Variants in KREMEN1 observed in about 807,000 individuals in gnomAD.
The protein encoded by KREMEN1 is kremen protein 1.
A neutral mutation model predicts 46.5 loss-of-function variants in KREMEN1; 30 were observed. The observed-to-expected ratio is 0.65, with a 90% CI of 0.48 to 0.88. KREMEN1 has a LOEUF of 0.88. Among genes scored for constraint, KREMEN1 ranks in the 40% least tolerant of loss-of-function variants. KREMEN1 has a pLI of 0.00. For missense variants in KREMEN1, 533 were observed against 596.9 expected, an observed-to-expected ratio of 0.89 and a Z score of 1.11; for synonymous variants, 214 against 230.6, an observed-to-expected ratio of 0.93 and a Z score of 0.65.
rs568974023 is a variant in KREMEN1, at chr22:29,165,018, C to T, written c.1417-2026C>T. 5.3e-5 allele frequency among the ~76,000 whole-genome samples: 8 copies of T among 151,974 alleles called. No homozygotes were observed. The East Asian group carries it at 1.6e-3, about 29-fold the overall frequency. ...TGAAACCCCGTCCCTACTAAAAATA[C>T]AAAAATTAGCCGGGCATGGTGGTGC... On this transcript the variant is annotated intron_variant, in intron 9 of 9. Coordinates refer to the KREMEN1 transcript ENST00000327813.
chr22:29,121,076 T>C (rs2038348420), intron 3 of KREMEN1, among the ~76,000 whole-genome samples: 1 of 150,548 alleles, frequency 6.6e-6, no homozygotes, highest in African/African-American at 2.4e-5. Flanking sequence ...TCTTCAATAC[T>C]AAATCCTATC....
Position 29,140,370 on chromosome 22 carries a change from A to C in KREMEN1, c.1208+4A>C. ...TACTTCTGCACGTCACATTCAAGTGAGTACAAGAGGGAGCTGCCCAATTCC... is the reference window on the plus strand; with the variant it reads ...TACTTCTGCACGTCACATTCAAGTGCGTACAAGAGGGAGCTGCCCAATTCC... On this transcript the variant is annotated splice_donor_region_variant and intron_variant, in intron 8 of 8. Transcript: ENST00000400335. 1 of 1,607,384 alleles carries C rather than the reference A, an allele frequency of 6.2e-7. No individual in the cohort carries two copies. The highest frequency in any genetic ancestry group is 1.1e-5 in the South Asian group (1 of 90,928).
At chr22:29,163,460 ATCCGCCT>A (rs1386792453) in intron 9 of KREMEN1, among the ~76,000 whole-genome samples, 8 of 151,688 alleles carry the variant, frequency 5.3e-5, no homozygotes, top group African/African-American at 1.9e-4. Flanking sequence ...TCACTGCAAT[ATCCGCCT>A]CCCGGGTTCA....
intron 3 of KREMEN1, among the ~76,000 whole-genome samples, chr22:29,103,446 C>T (rs1168101158): frequency 2.0e-5 from 3 of 152,202 alleles, no homozygotes; most frequent in Non-Finnish European, 4.4e-5. Flanking sequence ...CTGAACTGCT[C>T]TTGACCTGCA....
downstream of KREMEN1, among the ~76,000 whole-genome samples, chr22:29,151,528 G>T (rs1373599472): frequency 1.3e-5 from 2 of 152,168 alleles, no homozygotes; most frequent in Non-Finnish European, 2.9e-5. Context: ...GCAACTCCAT[G>T]AGGAGTCGGG....
In KREMEN1 at chr22:29,091,165, G is replaced by A. The variant is rs533261900; in HGVS notation, c.98-3093G>A. Among the ~76,000 whole-genome samples, 8 of 152,268 alleles carry A rather than the reference G, an allele frequency of 5.3e-5. No individual in the cohort carries two copies. The East Asian group carries it at 5.8e-4, about 11-fold the overall frequency. On this transcript the variant is annotated intron_variant, in intron 1 of 8. Transcript: ENST00000400335. ...ATTTTGTATTTTTAGTAGAGACGGCGTTTCTCCATGTTGGCCAGGCTGGTC... is the reference window on the plus strand; with the variant it reads ...ATTTTGTATTTTTAGTAGAGACGGCATTTCTCCATGTTGGCCAGGCTGGTC...
intron 9 of KREMEN1, among the ~76,000 whole-genome samples, chr22:29,164,882 G>A (rs896139327): frequency 3.3e-5 from 5 of 152,046 alleles, no homozygotes; most frequent in African/African-American, 1.2e-4. Context: ...GGATCAAGAG[G>A]CCAGGAGTTT....
At position 29,153,783 on chromosome 22, in the gene KREMEN1, C is replaced by A. The variant is rs993224460; in HGVS notation, c.1416+11683C>A. Among the ~76,000 whole-genome samples, 7 of 152,112 alleles carry A rather than the reference C, an allele frequency of 4.6e-5. No individual in the cohort carries two copies. In the South Asian group the frequency reaches 1.2e-3, roughly 27 times the overall value. On this transcript the variant is annotated intron_variant, in intron 9 of 9. Transcript: ENST00000327813. The stretch of plus-strand genomic sequence containing the variant: ...ATCACCTGAGGTCAGGAATTTGAGA[C>A]CAGCCTGGCCAACATGTTGAAACCC...
intron 1 of KREMEN1, among the ~76,000 whole-genome samples, chr22:29,091,062 C>T (rs976692071): frequency 2.6e-5 from 4 of 152,244 alleles, no homozygotes; most frequent in Non-Finnish European, 5.9e-5. Context: ...CAACCTCCGC[C>T]TCCTGGGTTC....
At chr22:29,081,255 A>G (rs1019472002) in intron 1 of KREMEN1, among the ~76,000 whole-genome samples, 9 of 151,898 alleles carry the variant, frequency 5.9e-5, no homozygotes, top group Non-Finnish European at 7.4e-5. Context: ...CTCTTTAAGC[A>G]TTTCTGTGGA....
chr22:29,163,055 T>A (rs2039024618), intron 9 of KREMEN1, among the ~76,000 whole-genome samples: 1 of 152,070 alleles, frequency 6.6e-6, no homozygotes. Context: ...AAATCTCATC[T>A]CGAATCGTAA....
intron 9 of KREMEN1, among the ~76,000 whole-genome samples, chr22:29,159,487 C>T (rs866566916): frequency 2.0e-5 from 3 of 152,020 alleles, no homozygotes; most frequent in East Asian, 2.0e-4. Context: ...GGTGTGGTGG[C>T]GCACGCCTGT....
rs2145860955 is a variant in KREMEN1 at position 29,145,476 on chromosome 22, CCTT to C, written c.*3368_*3370del. On this transcript the variant is annotated 3_prime_UTR_variant, in exon 9 of 9. Transcript: ENST00000400335. ...TGTTCCCCGCTGGCGCCAGGCCCTG[CCTT>C]CTTGGTACCTGTGCCAACAGGAGAG... The C allele has an allele frequency of 1.0e-6, 1 of 985,600 alleles. No individual in the cohort carries two copies. Among genetic ancestry groups the C allele is most frequent in the Admixed American group, 6.1e-5 (1 of 16,296 alleles). The allele number at this position is 985,600 out of a possible 1,614,324, so 61.1% of individuals were successfully genotyped here. A position where few individuals can be genotyped will look rare whatever the true frequency, so the allele number is the denominator to read the frequency against.
At chr22:29,092,656 C>T (rs17443175) in intron 1 of KREMEN1, among the ~76,000 whole-genome samples, 3,998 of 152,270 alleles carry the variant, frequency 0.026, 56 homozygotes, top group Admixed American at 0.032. Flanking sequence ...TATCATAACA[C>T]ATGAGCATTG....
Position 29,140,221 on chromosome 22 carries a change from G to A in KREMEN1, c.1124-61G>A, listed in dbSNP as rs566100634. The stretch of plus-strand genomic sequence containing the variant: ...ACTTACTCACTTGGGTATTCCAGCC[G>A]ACCTCCTTTCGAAAACCAACCATAA... On this transcript the variant is annotated intron_variant, in intron 7 of 8. Transcript: ENST00000400335. 36 of 1,342,274 alleles carry A rather than the reference G, an allele frequency of 2.7e-5. No homozygotes were observed. In the East Asian group the frequency reaches 3.2e-4, roughly 12 times the overall value. 83.1% of individuals were successfully genotyped at this position (1,342,274 alleles called of 1,614,324 possible). A position where few individuals can be genotyped will look rare whatever the true frequency, so the allele number is the denominator to read the frequency against.
rs1016160852 is a variant in KREMEN1 at position 29,094,676 on chromosome 22, T to G, written c.260+256T>G. The stretch of plus-strand genomic sequence containing the variant: ...TCTCGCTCTGTCGCCCAGGCTGGAG[T>G]GCAGTGGCGCGATCTCGGCTCACTG... On this transcript the variant is annotated intron_variant, in intron 2 of 8. Transcript: ENST00000400335. 3.4e-5 allele frequency among the ~76,000 whole-genome samples: 5 copies of G among 145,090 alleles called. No homozygotes were observed. In the Admixed American group the frequency reaches 3.6e-4, roughly 11 times the overall value.
chr22:29,159,088 G>T (rs1259105943), intron 9 of KREMEN1, among the ~76,000 whole-genome samples: 1 of 150,962 alleles, frequency 6.6e-6, no homozygotes, highest in Non-Finnish European at 1.5e-5. Flanking sequence ...CTAAAGTGCT[G>T]GGATTACAGG....
downstream of KREMEN1, among the ~76,000 whole-genome samples, chr22:29,151,624 C>T (rs966532491): frequency 4.7e-4 from 72 of 152,276 alleles, no homozygotes; most frequent in Admixed American, 2.1e-3. Context: ...TAAAACTTCA[C>T]GGACACCAAA....
rs557247866 is a variant in KREMEN1, at chr22:29,139,012, C to G, written c.1123+230C>G. 5.3e-5 allele frequency among the ~76,000 whole-genome samples: 8 copies of G among 152,332 alleles called. No individual in the cohort carries two copies. The South Asian group carries it at 1.5e-3, about 28-fold the overall frequency. On this transcript the variant is annotated intron_variant, in intron 7 of 8. Transcript: ENST00000400335. ...CACCTCCAAAAATTAGGCAAGCGTG[C>G]CTTTTGTACATTGTGACTAATCAGC...
Sources: gnomAD v4.1 joint callset for allele counts (sites outside exome capture counted in the v4.1 genomes callset) on GRCh38, gnomAD v4.1.1 for gene constraint, MANE v1.5 for transcripts, NCBI Gene and HGNC (gene_info 2026-07-23, HGNC 2026-07-21) for gene names.